Variants in CNTN4 observed in about 807,000 individuals in gnomAD.
The protein encoded by CNTN4 is contactin 4.
In CNTN4, 77 loss-of-function variants were observed where a neutral mutation model predicts 122.5. The observed-to-expected ratio is 0.63, with a 90% CI of 0.52 to 0.76. The LOEUF (loss-of-function observed/expected upper bound fraction) is 0.76, where lower values mean the gene tolerates loss of function less well. Among genes scored for constraint, CNTN4 ranks in the 30% least tolerant of loss-of-function variants. The pLI is 0.00. For missense variants in CNTN4, 1,256 were observed against 1,259.1 expected (o/e 1.00, Z 0.04); for synonymous variants, 512 against 447.0 (o/e 1.15, Z -1.83).
At chr3:2,688,788 C>A (rs1250139241) in intron 4 of CNTN4, among the ~76,000 whole-genome samples, 2 of 152,182 alleles carry the variant, frequency 1.3e-5, no homozygotes, top group Admixed American at 1.3e-4. Flanking sequence ...TGTAACCACA[C>A]TGGGAATGCA....
chr3:2,106,838 C>T (rs1234808573), intron 2 of CNTN4, among the ~76,000 whole-genome samples: 1 of 152,188 alleles, frequency 6.6e-6, no homozygotes, highest in Non-Finnish European at 1.5e-5. Flanking sequence ...CCTTTTTGCT[C>T]TGCTTCCCTT....
At chr3:2,157,110 G>T (rs919260295) in intron 2 of CNTN4, among the ~76,000 whole-genome samples, 1 of 152,156 alleles carries the variant, frequency 6.6e-6, no homozygotes, top group Non-Finnish European at 1.5e-5. Flanking sequence ...TAAAAGAGAA[G>T]TTCTGGTTCC....
rs1028600435 is a variant in CNTN4 at position 2,947,593 on chromosome 3, G to A, written c.1358+21814G>A. ...CTGTGTTTTCTCTTCCCTGGAGATT[G>A]TACTAATCTACTCTTGTTATTTTTT... On this transcript the variant is annotated intron_variant, in intron 13 of 24. Coordinates refer to ENST00000418658, the MANE Select transcript of CNTN4 (RefSeq NM_175607.3). Among the ~76,000 whole-genome samples, 6 of 152,292 alleles carry A rather than the reference G, an allele frequency of 3.9e-5. No homozygotes were observed. The East Asian group carries it at 1.2e-3, about 29-fold the overall frequency.
intron 6 of CNTN4, among the ~76,000 whole-genome samples, chr3:2,771,800 A>C (rs1316777743): frequency 2.0e-5 from 3 of 152,238 alleles, no homozygotes; most frequent in Non-Finnish European, 2.9e-5. Flanking sequence ...CAGTGTGCAC[A>C]GTATGTAATG....
At chr3:2,494,525 C>G (rs1039654225) in intron 3 of CNTN4, among the ~76,000 whole-genome samples, 7 of 152,180 alleles carry the variant, frequency 4.6e-5, no homozygotes, top group Non-Finnish European at 8.8e-5. Flanking sequence ...TTCCAGGTAG[C>G]AAGCTGCAGA....
In CNTN4 at chr3:2,981,401, A is replaced by G. The variant is rs554752462; in HGVS notation, c.1359-6944A>G. 5.9e-3 allele frequency among the ~76,000 whole-genome samples: 894 copies of G among 151,158 alleles called. 13 individuals are homozygous for G. Among genetic ancestry groups the G allele is most frequent in the African/African-American group, 0.02 (821 of 40,656 alleles). ...GGAGCTTGCAGTGAGCCGAGATCGCAGCACTGCACTCCAGCCTGGGCGACA... is the reference window on the plus strand; with the variant it reads ...GGAGCTTGCAGTGAGCCGAGATCGCGGCACTGCACTCCAGCCTGGGCGACA... On this transcript the variant is annotated intron_variant, in intron 13 of 24. Coordinates refer to ENST00000418658, the MANE Select transcript of CNTN4 (RefSeq NM_175607.3).
At chr3:3,010,618 T>C (rs1311132537) in intron 14 of CNTN4, among the ~76,000 whole-genome samples, 1 of 152,156 alleles carries the variant, frequency 6.6e-6, no homozygotes, top group African/African-American at 2.4e-5. Flanking sequence ...TTTTGTTATT[T>C]TGTTAATATT....
chr3:3,006,238 T>G (rs1039644698), intron 14 of CNTN4, among the ~76,000 whole-genome samples: 2 of 152,218 alleles, frequency 1.3e-5, no homozygotes, highest in African/African-American at 4.8e-5. Flanking sequence ...TTTGGTTATT[T>G]GAACTTCATG....
intron 7 of CNTN4, among the ~76,000 whole-genome samples, chr3:2,826,153 T>C (rs923923017): frequency 2.6e-5 from 4 of 152,150 alleles, no homozygotes; most frequent in Non-Finnish European, 5.9e-5. Context: ...CCCTTTTATT[T>C]GTATATAGCA....
At chr3:2,813,644 C>T (rs959046715) in intron 6 of CNTN4, among the ~76,000 whole-genome samples, 1 of 152,104 alleles carries the variant, frequency 6.6e-6, no homozygotes, top group Non-Finnish European at 1.5e-5. Flanking sequence ...TGTGTAATGG[C>T]TAGTCCATTA....
At chr3:2,210,287 T>G (rs1208440047) in intron 2 of CNTN4, among the ~76,000 whole-genome samples, 2 of 152,166 alleles carry the variant, frequency 1.3e-5, no homozygotes, top group Non-Finnish European at 2.9e-5. Context: ...AGTATATGCA[T>G]GATATTTCAC....
At chr3:2,621,942 T>G (rs2082005755) in intron 4 of CNTN4, among the ~76,000 whole-genome samples, 1 of 152,190 alleles carries the variant, frequency 6.6e-6, no homozygotes, top group Non-Finnish European at 1.5e-5. Flanking sequence ...GCTGTCATGC[T>G]GCTTCTTGAT....
intron 2 of CNTN4, among the ~76,000 whole-genome samples, chr3:2,334,231 C>T (rs141503931): frequency 7.0e-4 from 106 of 152,294 alleles, no homozygotes; most frequent in African/African-American, 2.3e-3. Context: ...GATCTTGGCT[C>T]ATTGCAACCT....
chr3:2,125,831 C>G (rs991909208), intron 2 of CNTN4, among the ~76,000 whole-genome samples: 2 of 151,518 alleles, frequency 1.3e-5, no homozygotes, highest in Non-Finnish European at 2.9e-5. Flanking sequence ...GCTGGGATTA[C>G]AGGCGTGAGC....
At chr3:2,840,384 C>T (rs915652561) in intron 7 of CNTN4, among the ~76,000 whole-genome samples, 6 of 152,050 alleles carry the variant, frequency 3.9e-5, no homozygotes, top group Admixed American at 2.0e-4. Context: ...TCTTTCTCCT[C>T]CTCCTCCACC....
intron 3 of CNTN4, among the ~76,000 whole-genome samples, chr3:2,557,322 G>A (rs372247322): frequency 2.6e-5 from 4 of 152,176 alleles, no homozygotes; most frequent in African/African-American, 7.2e-5. Context: ...ATCTCACATC[G>A]CATTGCAAGG....
intron 2 of CNTN4, among the ~76,000 whole-genome samples, chr3:2,276,496 T>C (rs1390366758): frequency 2.6e-5 from 4 of 152,074 alleles, no homozygotes; most frequent in Non-Finnish European, 5.9e-5. Context: ...TTATGATCTT[T>C]TAAAAAATTT....
chr3:3,005,331 T>G (rs1259516738), intron 14 of CNTN4, among the ~76,000 whole-genome samples: 1 of 152,244 alleles, frequency 6.6e-6, no homozygotes, highest in Non-Finnish European at 1.5e-5. Flanking sequence ...TTTTGCTTAC[T>G]AATTCTGTCT....
chr3:2,853,651 G>T (rs1356670265), intron 7 of CNTN4, among the ~76,000 whole-genome samples: 2 of 152,156 alleles, frequency 1.3e-5, no homozygotes, highest in Admixed American at 1.3e-4. Flanking sequence ...CTGCCTGTCA[G>T]TTCTGAGTCC....
Sources: gnomAD v4.1 joint callset for allele counts (sites outside exome capture counted in the v4.1 genomes callset) on GRCh38, gnomAD v4.1.1 for gene constraint, MANE v1.5 for transcripts, NCBI Gene and HGNC (gene_info 2026-07-23, HGNC 2026-07-21) for gene names.